LPIN2: variants seen among roughly 807,000 people sequenced by gnomAD.
LPIN2 encodes the protein lipin 2.
Under a neutral mutation model 111.4 loss-of-function variants are expected in LPIN2, and 55 were observed. The observed-to-expected ratio is 0.49, with a 90% CI of 0.40 to 0.62. The LOEUF (loss-of-function observed/expected upper bound fraction) is 0.62, where lower values mean the gene tolerates loss of function less well. LPIN2 is among the 20% of genes least tolerant of loss of function. The pLI is 0.00. For synonymous variants in LPIN2, 425 were observed against 414.0 expected (o/e 1.03, Z -0.32); for missense variants, 992 against 1,112.1 (o/e 0.89, Z 1.54).
intron 8 of LPIN2, among the ~76,000 whole-genome samples, chr18:2,933,576 T>TC (rs1169980507): frequency 6.6e-6 from 1 of 152,256 alleles, no homozygotes; most frequent in Non-Finnish European, 1.5e-5. Context: ...TAGCTTTATA[T>TC]CAATCCCATC....
intron 1 of LPIN2, among the ~76,000 whole-genome samples, chr18:2,974,527 C>G (rs1222678293): frequency 6.6e-6 from 1 of 152,212 alleles, no homozygotes; most frequent in African/African-American, 2.4e-5. Flanking sequence ...CACCTCTATA[C>G]TGGTGAAAAT....
At chr18:2,956,890 G>A (rs887423581) in intron 2 of LPIN2, among the ~76,000 whole-genome samples, 1 of 151,994 alleles carries the variant, frequency 6.6e-6, no homozygotes. Context: ...TGCTAATATT[G>A]GCAATACTTA....
intron 9 of LPIN2, among the ~76,000 whole-genome samples, chr18:2,930,000 T>C (rs751418599): frequency 7.9e-5 from 12 of 152,190 alleles, no homozygotes; most frequent in Non-Finnish European, 1.5e-4. Context: ...ACCTAGAATT[T>C]GGCTCAAGGT....
chr18:2,994,446 G>A (rs1207423362), intron 1 of LPIN2, among the ~76,000 whole-genome samples: 2 of 152,210 alleles, frequency 1.3e-5, no homozygotes, highest in African/African-American at 2.4e-5. Flanking sequence ...CATGGAGGCC[G>A]GGCCATGGGG....
intron 1 of LPIN2, among the ~76,000 whole-genome samples, chr18:2,963,160 C>G (rs1167654054): frequency 1.3e-5 from 2 of 152,182 alleles, no homozygotes; most frequent in African/African-American, 4.8e-5. Flanking sequence ...TAAAGGGAGG[C>G]CTGTAGCTTA....
chr18:3,001,379 A>C (rs958608472), intron 1 of LPIN2, among the ~76,000 whole-genome samples: 7 of 150,992 alleles, frequency 4.6e-5, no homozygotes, highest in Non-Finnish European at 7.4e-5. Flanking sequence ...GTAAACCAAT[A>C]AAATAATTGT....
chr18:2,987,851 C>T (rs2078208674), intron 1 of LPIN2, among the ~76,000 whole-genome samples: 1 of 151,632 alleles, frequency 6.6e-6, no homozygotes, highest in African/African-American at 2.4e-5. Context: ...CCAGCCTGGC[C>T]AACACAGTGA....
rs1175964847 is a variant in LPIN2, at chr18:2,937,732, G to A, written c.1128C>T (p.Ser376=). 1.2e-6 allele frequency: 2 copies of A among 1,613,938 alleles called. No homozygotes were observed. The highest frequency in any genetic ancestry group is 1.7e-6 in the Non-Finnish European group (2 of 1,180,016). The part of the protein sequence containing the change: ...NAALAEAPSE[S]KPAAKVDSPS... Reference sequence around the variant, plus strand: ...GCGAGTCTACTTTAGCTGCCGGTTTGGATTCTGAGGGCGCCTCCGCTAAGG... The same window carrying A: ...GCGAGTCTACTTTAGCTGCCGGTTTAGATTCTGAGGGCGCCTCCGCTAAGG... The change falls in exon 7 of 20, where the codon TCC becomes TCT. Residue 376 remains serine (S), a synonymous_variant. Coordinates refer to ENST00000677752, the MANE Select transcript of LPIN2 (RefSeq NM_001375808.2).
chr18:2,992,678 T>C (rs1165333340), intron 1 of LPIN2, among the ~76,000 whole-genome samples: 1 of 152,012 alleles, frequency 6.6e-6, no homozygotes, highest in Non-Finnish European at 1.5e-5. Context: ...AGTAGTGAGA[T>C]CTCATCTCTA....
chr18:2,929,080 A>C lies in LPIN2; in HGVS notation c.1535T>G (p.Ile512Arg). 6.3e-7 allele frequency: 1 copy of C among 1,586,576 alleles called. No homozygotes were observed. The highest frequency in any genetic ancestry group is 8.7e-7 in the Non-Finnish European group (1 of 1,155,218). Residue 512 changes from isoleucine (I) to arginine (R), a missense_variant, in exon 10 of 20, where the codon ATA becomes AGA. Ile to Arg is a moderately conservative substitution (Grantham distance 97). Around this residue, in one of 4 missense-constraint regions of LPIN2, gnomAD observed 709 missense variants for 753.2 expected, o/e 0.94. Coordinates refer to ENST00000677752, the MANE Select transcript of LPIN2 (RefSeq NM_001375808.2). ...GAGTATTTACCGATTATATATCCTT[A>C]TTACAAGGTTAGGATTGTCTATAAG... ...PGLIDNPNLV[I>R]RIYNRYYNWA...
At chr18:2,928,715 G>C in intron 10 of LPIN2, 55 bp from the exon 11 acceptor site, 2 of 1,310,844 alleles carry the variant, frequency 1.5e-6, no homozygotes, top group Non-Finnish European at 2.2e-6. Context: ...GAGCAAGAGA[G>C]AGGGGAGGGA....
chr18:2,964,232 G>A (rs1486463325), intron 1 of LPIN2, among the ~76,000 whole-genome samples: 3 of 123,372 alleles, frequency 2.4e-5, no homozygotes, highest in Non-Finnish European at 4.7e-5. Context: ...GCAGTGAGCC[G>A]AGATCACACC....
chr18:2,994,075 G>GT (rs2078304978), intron 1 of LPIN2, among the ~76,000 whole-genome samples: 1 of 152,190 alleles, frequency 6.6e-6, no homozygotes, highest in South Asian at 2.1e-4. Context: ...ACACCACACA[G>GT]TAACAGCCCT....
rs749489979 is a variant in LPIN2, at chr18:2,920,472, T to C, written c.2547-35A>G. 1.5e-5 allele frequency: 24 copies of C among 1,612,090 alleles called. No individual in the cohort carries two copies. In the South Asian group the frequency reaches 2.5e-4, roughly 17 times the overall value. On this transcript the variant is annotated intron_variant, in intron 19 of 19. Coordinates refer to ENST00000677752, the MANE Select transcript of LPIN2 (RefSeq NM_001375808.2). ...AGGTTGGGGAAGAGGCACAGGCTAT[T>C]ACTTCAAGATCGGTCAAAGGCACAA...
intron 3 of LPIN2, among the ~76,000 whole-genome samples, chr18:2,953,970 A>G (rs1197886368): frequency 1.3e-5 from 2 of 152,210 alleles, no homozygotes; most frequent in East Asian, 3.9e-4. Flanking sequence ...CTCGTTTGCT[A>G]GAAGAAGTCA....
At chr18:2,929,832 C>A (rs1012459285) in intron 9 of LPIN2, among the ~76,000 whole-genome samples, 1 of 152,182 alleles carries the variant, frequency 6.6e-6, no homozygotes, top group South Asian at 2.1e-4. Context: ...ATCACTTGAA[C>A]CCAGGAGATG....
chr18:2,971,426 C>T (rs2077908632), intron 1 of LPIN2, among the ~76,000 whole-genome samples: 1 of 152,142 alleles, frequency 6.6e-6, no homozygotes, highest in Non-Finnish European at 1.5e-5. Flanking sequence ...CCAAGGCCCC[C>T]TGCCCTCTCC....
chr18:2,924,261 G>A lies in LPIN2; in HGVS notation c.2087+137C>T, dbSNP rs1453937813. 18 of 1,004,590 alleles carry A rather than the reference G, an allele frequency of 1.8e-5. No individual in the cohort carries two copies. The East Asian group carries it at 2.6e-4, about 15-fold the overall frequency. 62.2% of individuals were successfully genotyped at this position (1,004,590 alleles called of 1,614,324 possible). On this transcript the variant is annotated intron_variant, in intron 15 of 19. Coordinates refer to ENST00000677752, the MANE Select transcript of LPIN2 (RefSeq NM_001375808.2). Reference sequence around the variant, plus strand: ...ACCCCATGTGGACTGTACTGGGGACGCCTCAGAGCATATGGCTTATAAAAT... The same window carrying A: ...ACCCCATGTGGACTGTACTGGGGACACCTCAGAGCATATGGCTTATAAAAT...
chr18:2,964,580 C>T (rs762168457), intron 1 of LPIN2, among the ~76,000 whole-genome samples: 3 of 151,680 alleles, frequency 2.0e-5, no homozygotes, highest in African/African-American at 7.3e-5. Context: ...AGAGCCCAAT[C>T]GGCTGGCACT....
Sources: allele counts gnomAD v4.1 joint callset (sites outside exome capture counted in the v4.1 genomes callset), GRCh38; gene constraint gnomAD v4.1.1; regional missense constraint gnomAD v4.1.1; transcripts MANE v1.5; gene names NCBI Gene and HGNC (gene_info 2026-07-23, HGNC 2026-07-21).